HS3ST3B1: variants seen among roughly 807,000 people sequenced by gnomAD.
HS3ST3B1 encodes the protein heparan sulfate glucosamine 3-O-sulfotransferase 3B1.
HS3ST3B1 carries 13 observed loss-of-function variants against 21.3 expected under a neutral mutation model. The observed-to-expected ratio is 0.61, with a 90% CI of 0.40 to 0.97. The LOEUF is 0.97. Ranked by LOEUF, HS3ST3B1 falls within the 50% of genes least tolerant of loss-of-function variation. The pLI is 0.00. For missense variants in HS3ST3B1, 459 were observed against 554.8 expected (o/e 0.83, Z 1.73); for synonymous variants, 234 against 254.8 (o/e 0.92, Z 0.78).
intron 1 of HS3ST3B1, among the ~76,000 whole-genome samples, chr17:14,331,719 AG>A (rs1910020146): frequency 6.6e-6 from 1 of 152,154 alleles, no homozygotes; most frequent in African/African-American, 2.4e-5. Flanking sequence ...TGAAATTGAG[AG>A]CCAGTAACTA....
At chr17:14,329,367 A>AAGAAAAGGAAGGAAGGAAGGAAGGAAGG (rs1555549453) in intron 1 of HS3ST3B1, 33 of 106,214 alleles carry the variant, frequency 3.1e-4, no homozygotes, top group African/African-American at 1.0e-3. Context: ...GAAAGAAAGA[A>AAGAAAAGGAAGGAAGGAAGGAAGGAAGG]AAGGAAGGAA....
intron 1 of HS3ST3B1, among the ~76,000 whole-genome samples, chr17:14,333,146 C>CAGAG (rs1283882026): frequency 6.6e-6 from 1 of 151,922 alleles, no homozygotes; most frequent in Non-Finnish European, 1.5e-5. Flanking sequence ...GAAAGAAAAC[C>CAGAG]AGAGCCATAG....
At chr17:14,306,221 TGAGGA>T in intron 1 of HS3ST3B1, among the ~76,000 whole-genome samples, 1 of 152,010 alleles carries the variant, frequency 6.6e-6, no homozygotes, top group Admixed American at 6.6e-5. Context: ...ATAACTAGAG[TGAGGA>T]TAATCACACC....
intron 1 of HS3ST3B1, among the ~76,000 whole-genome samples, chr17:14,317,596 A>C (rs1297360118): frequency 6.6e-6 from 1 of 152,158 alleles, no homozygotes; most frequent in East Asian, 1.9e-4. Flanking sequence ...GAAACTGATC[A>C]GAATATTCAG....
intron 1 of HS3ST3B1, among the ~76,000 whole-genome samples, chr17:14,310,289 TCCTAAC>T (rs1452495802): frequency 6.6e-6 from 1 of 152,062 alleles, no homozygotes; most frequent in Non-Finnish European, 1.5e-5. Flanking sequence ...AGGCTCGTCC[TCCTAAC>T]CCTAAGTCCT....
At chr17:14,344,185 C>T (rs1191877774) in intron 1 of HS3ST3B1, among the ~76,000 whole-genome samples, 1 of 152,214 alleles carries the variant, frequency 6.6e-6, no homozygotes, top group Non-Finnish European at 1.5e-5. Context: ...ATGGCGTGAG[C>T]CACTGTGCCC....
At chr17:14,317,342 C>T (rs1030257894) in intron 1 of HS3ST3B1, among the ~76,000 whole-genome samples, 12 of 152,118 alleles carry the variant, frequency 7.9e-5, no homozygotes, top group African/African-American at 2.9e-4. Context: ...ATTTTCTCTA[C>T]CAGACAGTTT....
intron 1 of HS3ST3B1, among the ~76,000 whole-genome samples, chr17:14,316,460 G>C (rs1909502295): frequency 1.3e-5 from 2 of 152,172 alleles, no homozygotes; most frequent in African/African-American, 4.8e-5. Context: ...GCTTATGTCT[G>C]TTTTCAAAGG....
At chr17:14,305,870 T>C (rs569530593) in intron 1 of HS3ST3B1, among the ~76,000 whole-genome samples, 9 of 152,158 alleles carry the variant, frequency 5.9e-5, no homozygotes, top group Non-Finnish European at 1.3e-4. Flanking sequence ...ATTACAGTTC[T>C]GTGAAGTAGG....
At chr17:14,332,216 G>A (rs890994112) in intron 1 of HS3ST3B1, among the ~76,000 whole-genome samples, 2 of 152,084 alleles carry the variant, frequency 1.3e-5, no homozygotes, top group African/African-American at 4.8e-5. Context: ...GTTTTTGGGG[G>A]GTGAATACTT....
rs1251144431 is a variant in HS3ST3B1 at position 14,301,494 on chromosome 17, C to A, written c.-25C>A. On this transcript the variant is annotated 5_prime_UTR_variant, in exon 1 of 2. Transcript: ENST00000360954. ...ACCCACGCCATGTGCTGAGCCATGT[C>A]CCTGGCCGCGCCCGCGGGCAGCGCA... 70 of 1,485,888 alleles carry A rather than the reference C, an allele frequency of 4.7e-5. No homozygotes were observed. The highest frequency in any genetic ancestry group is 6.1e-5 in the Non-Finnish European group (69 of 1,126,752). 92.0% of individuals were successfully genotyped at this position (1,485,888 alleles called of 1,614,324 possible).
At chr17:14,311,570 G>C (rs1909306255) in intron 1 of HS3ST3B1, among the ~76,000 whole-genome samples, 1 of 152,178 alleles carries the variant, frequency 6.6e-6, no homozygotes, top group African/African-American at 2.4e-5. Context: ...GTTTACATTA[G>C]GGCTCACTGT....
intron 1 of HS3ST3B1, among the ~76,000 whole-genome samples, chr17:14,323,718 A>T (rs1438673298): frequency 6.6e-6 from 1 of 152,160 alleles, no homozygotes; most frequent in South Asian, 2.1e-4. Context: ...TTGTTACCTG[A>T]TAGTCCTGAC....
intron 1 of HS3ST3B1, among the ~76,000 whole-genome samples, chr17:14,306,373 G>C (rs1909140050): frequency 6.6e-6 from 1 of 152,172 alleles, no homozygotes; most frequent in African/African-American, 2.4e-5. Flanking sequence ...TCTGCCATTT[G>C]TCCTTTTTAA....
chr17:14,344,886 C>T lies in HS3ST3B1; in HGVS notation c.555-142C>T, dbSNP rs1034008153. ...TGGGATGCTAATCTACCTTTCAGCT[C>T]TAAAGTTCTACTTGCATTTTACATG... On this transcript the variant is annotated intron_variant, in intron 1 of 1. Transcript: ENST00000360954. The T allele has an allele frequency of 1.1e-4, 144 of 1,310,720 alleles. No homozygotes were observed. The African/African-American group carries it at 1.9e-3, about 17-fold the overall frequency. 81.2% of individuals were successfully genotyped at this position (1,310,720 alleles called of 1,614,324 possible). A position where few individuals can be genotyped will look rare whatever the true frequency, so the allele number is the denominator to read the frequency against.
At chr17:14,340,059 C>T (rs1421024575) in intron 1 of HS3ST3B1, among the ~76,000 whole-genome samples, 1 of 152,124 alleles carries the variant, frequency 6.6e-6, no homozygotes, top group African/African-American at 2.4e-5. Flanking sequence ...GAGGGACTTG[C>T]CTGGATGATT....
rs147533301 is a variant in HS3ST3B1, at chr17:14,345,624, G to A, written c.1151G>A (p.Gly384Glu). 34 of 1,613,380 alleles carry A rather than the reference G, an allele frequency of 2.1e-5. No homozygotes were observed. Among genetic ancestry groups the A allele is most frequent in the Non-Finnish European group, 2.7e-5 (32 of 1,179,666 alleles). The change falls in exon 2 of 2, where the codon GGG (glycine) becomes GAG (glutamate). Residue 384 changes from glycine (G) to glutamate (E), a missense_variant. Physicochemically the swap from Gly to Glu is moderately conservative, Grantham distance 98. This residue lies in a region of HS3ST3B1 where 127 missense variants were observed against 209.9 expected (regional missense o/e 0.60). Transcript: ENST00000360954. ...PFNLKFYQMT[G>E]HDFGWD Reference sequence around the variant, plus strand: ...AACCTCAAGTTCTACCAGATGACCGGGCACGACTTTGGCTGGGATTGAGCA... The same window carrying A: ...AACCTCAAGTTCTACCAGATGACCGAGCACGACTTTGGCTGGGATTGAGCA...
chr17:14,333,007 T>G (rs1910067530), intron 1 of HS3ST3B1, among the ~76,000 whole-genome samples: 1 of 151,796 alleles, frequency 6.6e-6, no homozygotes, highest in African/African-American at 2.4e-5. Flanking sequence ...AGCCCGCAGC[T>G]CCAAGAAACC....
chr17:14,321,142 G>T (rs981678011), intron 1 of HS3ST3B1, among the ~76,000 whole-genome samples: 1 of 152,160 alleles, frequency 6.6e-6, no homozygotes, highest in African/African-American at 2.4e-5. Flanking sequence ...TTTGGTGGTG[G>T]ACTTTTCCCC....
Sources: allele counts gnomAD v4.1 joint callset (sites outside exome capture counted in the v4.1 genomes callset), GRCh38; gene constraint gnomAD v4.1.1; regional missense constraint gnomAD v4.1.1; transcripts MANE v1.5; gene names NCBI Gene and HGNC (gene_info 2026-07-23, HGNC 2026-07-21).